The following MGAT5 variants were observed in gnomAD, a reference collection of about 807,000 sequenced individuals.
MGAT5 encodes the protein alpha-1,6-mannosylglycoprotein 6-beta-N-acetylglucosaminyltransferase, also known as alpha-1,6-mannosylglycoprotein 6-beta-N-acetylglucosaminyltransferase A.
Under a neutral mutation model 94.3 loss-of-function variants are expected in MGAT5, and 30 were observed. The ratio of observed to expected loss-of-function variants is 0.32; its 90% confidence interval spans 0.24 to 0.43. The LOEUF (loss-of-function observed/expected upper bound fraction) is 0.43, where lower values mean the gene tolerates loss of function less well. Ranked by LOEUF, MGAT5 falls within the 20% of genes least tolerant of loss-of-function variation. The pLI is 1.00. For missense variants in MGAT5, 691 were observed against 905.5 expected, an observed-to-expected ratio of 0.76 and a Z score of 3.04; for synonymous variants, 310 against 322.9, an observed-to-expected ratio of 0.96 and a Z score of 0.43.
At chr2:134,132,732 CAGTT>C (rs1686232276) in intron 1 of MGAT5, among the ~76,000 whole-genome samples, 1 of 152,252 alleles carries the variant, frequency 6.6e-6, no homozygotes, top group Non-Finnish European at 1.5e-5. Flanking sequence ...CATAACCCAT[CAGTT>C]AGTTGTGACC....
chr2:134,371,517 A>T (rs1453494909), intron 10 of MGAT5, among the ~76,000 whole-genome samples: 1 of 152,176 alleles, frequency 6.6e-6, no homozygotes, highest in Non-Finnish European at 1.5e-5. Context: ...GACACTTTAC[A>T]GTTGACAGCC....
intron 1 of MGAT5, among the ~76,000 whole-genome samples, chr2:134,249,070 C>G (rs1478684507): frequency 6.6e-6 from 1 of 152,048 alleles, no homozygotes; most frequent in East Asian, 1.9e-4. Context: ...AAGTAGATCA[C>G]TGTGGTTTCC....
At chr2:134,142,375 C>T (rs1192678753) in intron 1 of MGAT5, among the ~76,000 whole-genome samples, 2 of 152,220 alleles carry the variant, frequency 1.3e-5, no homozygotes, top group Non-Finnish European at 2.9e-5. Context: ...GGCCCGGCCC[C>T]GCCTGAGTGG....
intron 2 of MGAT5, among the ~76,000 whole-genome samples, chr2:134,276,792 C>T (rs963141602): frequency 6.6e-6 from 1 of 152,114 alleles, no homozygotes; most frequent in African/African-American, 2.4e-5. Context: ...TGCATTTAAT[C>T]TTCAGTTAGG....
At chr2:134,416,494 G>T (rs1683980588) in intron 12 of MGAT5, among the ~76,000 whole-genome samples, 1 of 117,362 alleles carries the variant, frequency 8.5e-6, no homozygotes, top group African/African-American at 3.8e-5. Flanking sequence ...TTGGAGACCG[G>T]GTCTTGCTCT....
intron 10 of MGAT5, among the ~76,000 whole-genome samples, chr2:134,365,512 G>A (rs567761966): frequency 1.4e-4 from 21 of 152,298 alleles, no homozygotes; most frequent in South Asian, 6.2e-4. Context: ...AGGGCGAGGC[G>A]GAAGCCTTCC....
chr2:134,327,921 T>C (rs963705625), intron 4 of MGAT5, among the ~76,000 whole-genome samples: 11 of 152,164 alleles, frequency 7.2e-5, no homozygotes, highest in Non-Finnish European at 1.6e-4. Flanking sequence ...CTCTTAAAAT[T>C]GAGTGACTTT....
rs117077435 is a variant in MGAT5 at position 134,404,139 on chromosome 2, G to A, written c.1530+1002G>A. Among the ~76,000 whole-genome samples the A allele has an allele frequency of 1.8e-3, 278 of 152,294 alleles. 3 individuals are homozygous for A. Among genetic ancestry groups the A allele is most frequent in the East Asian group, 7.3e-3 (38 of 5,190 alleles). On this transcript the variant is annotated intron_variant, in intron 11 of 15. Coordinates refer to ENST00000281923, the MANE Select transcript of MGAT5 (RefSeq NM_002410.5). Reference sequence around the variant, plus strand: ...ATTGAGTAGCTGCAATGTGCTAGGCGTTGTACAAGGGATGCAAGTGTGAAG... The same window carrying A: ...ATTGAGTAGCTGCAATGTGCTAGGCATTGTACAAGGGATGCAAGTGTGAAG...
In MGAT5 at chr2:134,173,856, G is replaced by A. The variant is rs114269647; in HGVS notation, c.-143+53565G>A. 2.7e-3 allele frequency among the ~76,000 whole-genome samples: 414 copies of A among 152,310 alleles called. 1 individual carries two copies. The highest frequency in any genetic ancestry group is 9.0e-3 in the African/African-American group (375 of 41,566). On this transcript the variant is annotated intron_variant, in intron 1 of 16. Transcript: ENST00000409645. ...TGTAATCCTTTAAATAGCCTTCAGC[G>A]TATAAAGCACGTGGCCTCTACACGC...
At chr2:134,311,314 TAA>T (rs1156586021) in intron 2 of MGAT5, among the ~76,000 whole-genome samples, 7 of 152,228 alleles carry the variant, frequency 4.6e-5, no homozygotes, top group African/African-American at 1.7e-4. Context: ...TAGATGCCCT[TAA>T]TCTATCAGAT....
At chr2:134,192,837 G>C (rs1445380521) in intron 1 of MGAT5, among the ~76,000 whole-genome samples, 1 of 151,952 alleles carries the variant, frequency 6.6e-6, no homozygotes, top group Non-Finnish European at 1.5e-5. Flanking sequence ...GATATAAAAG[G>C]CTGTAAGAAA....
chr2:134,428,199 C>T (rs1330957251), intron 13 of MGAT5, among the ~76,000 whole-genome samples, 166 bp from the exon 14 acceptor site: 6 of 152,236 alleles, frequency 3.9e-5, no homozygotes, highest in African/African-American at 1.4e-4. Context: ...CAGAGTCCCA[C>T]ACCTAGTAAG....
chr2:134,428,276 C>A, intron 13 of MGAT5, 89 bp from the exon 14 acceptor site: 2 of 1,216,214 alleles, frequency 1.6e-6, no homozygotes, highest in Non-Finnish European at 2.4e-6. Flanking sequence ...CTGGTGTTAG[C>A]ACCCGTGTAT....
intron 2 of MGAT5, among the ~76,000 whole-genome samples, chr2:134,273,587 G>A (rs1035028300): frequency 6.6e-6 from 1 of 151,728 alleles, no homozygotes; most frequent in African/African-American, 2.4e-5. Context: ...ATTGAAGAAG[G>A]ATTCCCTAAA....
intron 14 of MGAT5, among the ~76,000 whole-genome samples, chr2:134,434,176 A>T (rs1436097443): frequency 1.3e-5 from 2 of 152,156 alleles, no homozygotes; most frequent in African/African-American, 4.8e-5. Flanking sequence ...TCTCCCAGGG[A>T]GCATTCTCCT....
chr2:134,387,332 A>ATATATATATATATATTTTTTTT, intron 10 of MGAT5, among the ~76,000 whole-genome samples: 3 of 24,254 alleles, frequency 1.2e-4, no homozygotes, highest in Admixed American at 7.7e-4. Context: ...ATATATATAT[A>ATATATATATATATATTTTTTTT]TTTTTTTTTT....
At chr2:134,278,649 T>A (rs1684520225) in intron 2 of MGAT5, among the ~76,000 whole-genome samples, 1 of 152,176 alleles carries the variant, frequency 6.6e-6, no homozygotes. Flanking sequence ...CAAGCTTTTC[T>A]CTCCCTGAGT....
intron 10 of MGAT5, among the ~76,000 whole-genome samples, chr2:134,372,770 G>C (rs557384303): frequency 1.3e-5 from 2 of 152,210 alleles, no homozygotes; most frequent in Non-Finnish European, 2.9e-5. Context: ...TGCTTATTGC[G>C]TGGGTGGCTG....
chr2:134,443,276 A>T (rs1685588879), intron 15 of MGAT5, among the ~76,000 whole-genome samples: 1 of 151,782 alleles, frequency 6.6e-6, no homozygotes, highest in African/African-American at 2.4e-5. Context: ...TGTAACCTCC[A>T]CCTCCTGGGT....
Sources: allele counts gnomAD v4.1 joint callset (sites outside exome capture counted in the v4.1 genomes callset), GRCh38; gene constraint gnomAD v4.1.1; transcripts MANE v1.5; gene names NCBI Gene and HGNC (gene_info 2026-07-23, HGNC 2026-07-21).